ZNF469: variants seen among roughly 807,000 people sequenced by gnomAD.
The protein encoded by ZNF469 is zinc finger protein 469.
In ZNF469, 1 loss-of-function variant was observed where a neutral mutation model predicts 1.0. That is an observed-to-expected ratio of 1.00 (90% CI 0.35 to 4.73). The LOEUF (loss-of-function observed/expected upper bound fraction) is 4.73, where lower values mean the gene tolerates loss of function less well. Among genes scored for constraint, ZNF469 ranks in the 30% most tolerant of loss-of-function variants. ZNF469 has a pLI of 0.16. For missense variants in ZNF469, 6,100 were observed against 5,356.3 expected (o/e 1.14, Z -4.33); for synonymous variants, 2,703 against 2,363.4 (o/e 1.14, Z -4.17).
the ZNF469 span, among the ~76,000 whole-genome samples, chr16:88,153,804 C>A: frequency 1.3e-5 from 2 of 152,200 alleles, no homozygotes; most frequent in African/African-American, 2.4e-5. Flanking sequence ...CCTCACAGGG[C>A]CTTCCCTCTG....
chr16:88,254,552 G>A, the ZNF469 span, among the ~76,000 whole-genome samples: 1 of 152,194 alleles, frequency 6.6e-6, no homozygotes, highest in East Asian at 1.9e-4. Flanking sequence ...GAGGTCAGGA[G>A]TTCAAGAGTA....
At chr16:88,349,971 A>G in the ZNF469 span, among the ~76,000 whole-genome samples, 3 of 36,140 alleles carry the variant, frequency 8.3e-5, no homozygotes, top group African/African-American at 2.9e-4. Context: ...TGAGCGATAC[A>G]TACCACACAA....
At chr16:88,144,087 C>T in the ZNF469 span, among the ~76,000 whole-genome samples, 36 of 152,296 alleles carry the variant, frequency 2.4e-4, no homozygotes, top group African/African-American at 7.2e-4. Flanking sequence ...AGTGGCCTCA[C>T]ACCCCAGAGG....
the ZNF469 span, among the ~76,000 whole-genome samples, chr16:88,193,232 GGATGGTGGTGGTGGTGATGGTGGT>G: frequency 3.9e-5 from 1 of 25,430 alleles, no homozygotes; most frequent in African/African-American, 1.4e-4. Flanking sequence ...GTGGTGGTGG[GGATGGTGGTGGTGGTGATGGTGGT>G]GATGGTGGTA....
At chr16:88,339,859 G>T in the ZNF469 span, among the ~76,000 whole-genome samples, 2 of 144,484 alleles carry the variant, frequency 1.4e-5, no homozygotes, top group Admixed American at 6.8e-5. Context: ...ATGGTGGCAG[G>T]AGGTCAGGGG....
chr16:88,316,968 C>T, the ZNF469 span, among the ~76,000 whole-genome samples: 1 of 152,228 alleles, frequency 6.6e-6, no homozygotes, highest in East Asian at 1.9e-4. Flanking sequence ...CAGCTCTAAA[C>T]CCAGAACACC....
the ZNF469 span, among the ~76,000 whole-genome samples, chr16:88,225,559 G>A: frequency 6.6e-6 from 1 of 151,824 alleles, no homozygotes; most frequent in African/African-American, 2.4e-5. Flanking sequence ...TGAAGGAGGA[G>A]CCGCCCATGC....
the ZNF469 span, among the ~76,000 whole-genome samples, chr16:88,307,059 G>A: frequency 6.6e-6 from 1 of 152,032 alleles, no homozygotes; most frequent in East Asian, 1.9e-4. Flanking sequence ...TGCCTCCAAG[G>A]TTTCCCTGTT....
the ZNF469 span, among the ~76,000 whole-genome samples, chr16:88,321,698 T>C: frequency 1.3e-5 from 2 of 151,566 alleles, no homozygotes; most frequent in African/African-American, 4.9e-5. Context: ...TGGCCTCAGA[T>C]TCTGCATGTA....
the ZNF469 span, among the ~76,000 whole-genome samples, chr16:88,200,122 C>T: frequency 9.6e-5 from 12 of 125,582 alleles, no homozygotes; most frequent in Admixed American, 5.2e-4. Flanking sequence ...GTGCCCGGCA[C>T]GGCCGAAGAG....
At chr16:88,319,284 T>C in the ZNF469 span, among the ~76,000 whole-genome samples, 1 of 152,150 alleles carries the variant, frequency 6.6e-6, no homozygotes, top group African/African-American at 2.4e-5. Context: ...TCTGAGGTTC[T>C]TCCTCACCAG....
At chr16:88,158,942 G>A in the ZNF469 span, among the ~76,000 whole-genome samples, 2 of 152,158 alleles carry the variant, frequency 1.3e-5, no homozygotes, top group Admixed American at 1.3e-4. Flanking sequence ...CTGGGGCAGG[G>A]ACCTCAGCTC....
chr16:88,198,597 G>A, the ZNF469 span, among the ~76,000 whole-genome samples: 3 of 152,226 alleles, frequency 2.0e-5, no homozygotes, highest in African/African-American at 7.2e-5. Flanking sequence ...AGCAGTGACA[G>A]GGCAGGCCCA....
chr16:88,308,141 CTG>C, the ZNF469 span, among the ~76,000 whole-genome samples: 1 of 152,216 alleles, frequency 6.6e-6, no homozygotes, highest in Non-Finnish European at 1.5e-5. Flanking sequence ...AATCAGTGGA[CTG>C]TAACTCTGAG....
At chr16:88,165,918 G>A in the ZNF469 span, among the ~76,000 whole-genome samples, 1 of 152,204 alleles carries the variant, frequency 6.6e-6, no homozygotes, top group Non-Finnish European at 1.5e-5. Flanking sequence ...AAGCCCCCGA[G>A]ACTCATCCAC....
At position 88,434,639 on chromosome 16, in the gene ZNF469, C is replaced by G; in HGVS notation, c.7169C>G (p.Ala2390Gly). 6.5e-7 allele frequency: 1 copy of G among 1,550,306 alleles called. No homozygotes were observed. Among genetic ancestry groups the G allele is most frequent in the South Asian group, 1.2e-5 (1 of 84,056 alleles). ...PGTPETGRSG[A>G]TKMPRVTCPS... is the part of the protein sequence containing the mutation. ...ACCCCTGAGACCGGGCGCTCTGGTG[C>G]TACCAAGATGCCCAGGGTCACCTGC... Residue 2390 changes from alanine (A) to glycine (G), a missense_variant, in exon 3 of 3, where the codon GCT becomes GGT. By Grantham distance (60) the Ala-to-Gly change is moderately conservative. Transcript: ENST00000565624.
At chr16:88,121,957 A>C in the ZNF469 span, among the ~76,000 whole-genome samples, 1 of 152,170 alleles carries the variant, frequency 6.6e-6, no homozygotes, top group East Asian at 1.9e-4. Context: ...CCAAACTTCC[A>C]CAGAAGCCAA....
chr16:88,156,926 A>G, the ZNF469 span, among the ~76,000 whole-genome samples: 7 of 152,274 alleles, frequency 4.6e-5, no homozygotes, highest in African/African-American at 1.7e-4. Flanking sequence ...ACAGAGATGG[A>G]CGATGATCTC....
At chr16:88,331,863 T>C in the ZNF469 span, among the ~76,000 whole-genome samples, 43,334 of 151,080 alleles carry the variant, frequency 0.29, 6,542 homozygotes, top group African/African-American at 0.32. Flanking sequence ...GTTGTCATCA[T>C]TATTCATTTT....
Sources: gnomAD v4.1 joint callset for allele counts (sites outside exome capture counted in the v4.1 genomes callset) on GRCh38, gnomAD v4.1.1 for gene constraint, MANE v1.5 for transcripts, NCBI Gene and HGNC (gene_info 2026-07-23, HGNC 2026-07-21) for gene names.